Variants in EIF4EBP1 observed in about 807,000 individuals in gnomAD.
EIF4EBP1 encodes eukaryotic translation initiation factor 4E-binding protein 1.
In EIF4EBP1, 5 loss-of-function variants were observed where a neutral mutation model predicts 9.2. The ratio of observed to expected loss-of-function variants is 0.54; its 90% CI spans 0.28 to 1.14. The LOEUF is 1.14. Ranked by LOEUF, EIF4EBP1 falls within the 50% of genes most tolerant of loss-of-function variation. EIF4EBP1 has a pLI of 0.09. For missense variants in EIF4EBP1, 139 were observed against 169.6 expected (o/e 0.82, Z 1.00); for synonymous variants, 62 against 67.0 (o/e 0.93, Z 0.36).
At chr8:38,040,317 G>T (rs1246370127) in intron 1 of EIF4EBP1, among the ~76,000 whole-genome samples, 2 of 152,154 alleles carry the variant, frequency 1.3e-5, no homozygotes, top group African/African-American at 4.8e-5. Context: ...CTGACATTTG[G>T]GTATGCACAG....
At chr8:38,051,181 C>G (rs899078129) in intron 1 of EIF4EBP1, among the ~76,000 whole-genome samples, 3 of 152,156 alleles carry the variant, frequency 2.0e-5, no homozygotes, top group Non-Finnish European at 4.4e-5. Flanking sequence ...CATGCTGTGC[C>G]TAATTCCTGA....
intron 1 of EIF4EBP1, among the ~76,000 whole-genome samples, chr8:38,031,170 C>A (rs148544115): frequency 6.6e-6 from 1 of 152,266 alleles, no homozygotes; most frequent in African/African-American, 2.4e-5. Flanking sequence ...CGAAGCACGC[C>A]GAGTTTTGTG....
intron 1 of EIF4EBP1, among the ~76,000 whole-genome samples, chr8:38,052,504 G>A (rs1358455979): frequency 1.3e-5 from 2 of 151,932 alleles, no homozygotes; most frequent in Non-Finnish European, 2.9e-5. Flanking sequence ...CGAGGCAGGC[G>A]GATCACCTGA....
At chr8:38,047,168 G>C (rs1348019133) in intron 1 of EIF4EBP1, among the ~76,000 whole-genome samples, 3 of 152,202 alleles carry the variant, frequency 2.0e-5, no homozygotes, top group Non-Finnish European at 1.5e-5. Context: ...TCTTACGCCT[G>C]TCTGTGGACT....
chr8:38,050,845 A>G (rs1208929706), intron 1 of EIF4EBP1, among the ~76,000 whole-genome samples: 1 of 152,108 alleles, frequency 6.6e-6, no homozygotes, highest in Non-Finnish European at 1.5e-5. Context: ...TGTGGCCCAG[A>G]GACTGATGGG....
In EIF4EBP1 at chr8:38,030,634, G is replaced by A. The variant is rs1457903078; in HGVS notation, c.61G>A (p.Val21Met). The A allele has an allele frequency of 2.0e-5, 31 of 1,513,744 alleles. No homozygotes were observed. In the Middle Eastern group the frequency reaches 1.0e-3, roughly 50 times the overall value. 93.8% of individuals were successfully genotyped at this position (1,513,744 alleles called of 1,614,324 possible). The change falls in exon 1 of 3, where the codon GTG (valine) becomes ATG (methionine). Residue 21 changes from valine to methionine, a missense_variant. Physicochemically the swap from Val to Met is conservative, Grantham distance 21. Coordinates refer to ENST00000338825, the MANE Select transcript of EIF4EBP1 (RefSeq NM_004095.4). ...PSRAIPATRR[V>M]VLGDGVQLPP... ...CCGGGCCATCCCCGCCACTCGCCGG[G>A]TGGTGCTCGGCGACGGCGTGCAGCT...
Position 38,032,207 on chromosome 8 carries a change from G to A in EIF4EBP1, c.145+1489G>A, listed in dbSNP as rs542108941. ...GATTGTTGGGTCAAATTGGAAGCCA[G>A]GATACTGTTTATAGGCACTTCTGGC... On this transcript the variant is annotated intron_variant, in intron 1 of 2. Coordinates refer to ENST00000338825, the MANE Select transcript of EIF4EBP1 (RefSeq NM_004095.4). 9.2e-4 allele frequency among the ~76,000 whole-genome samples: 133 copies of A among 144,386 alleles called. 1 individual carries two copies. Among genetic ancestry groups the A allele is most frequent in the African/African-American group, 3.6e-3 (124 of 34,640 alleles). The allele number at this position is 144,386 out of a possible 152,430, so 94.7% of individuals were successfully genotyped here. A position where few individuals can be genotyped will look rare whatever the true frequency, so the allele number is the denominator to read the frequency against.
intron 1 of EIF4EBP1, among the ~76,000 whole-genome samples, chr8:38,035,374 C>T (rs1809285081): frequency 6.6e-6 from 1 of 151,902 alleles, no homozygotes; most frequent in Non-Finnish European, 1.5e-5. Context: ...TGTGCCACCA[C>T]ACCCGGCTAA....
intron 1 of EIF4EBP1, among the ~76,000 whole-genome samples, chr8:38,054,650 G>A (rs939691113): frequency 3.3e-5 from 5 of 152,166 alleles, no homozygotes; most frequent in Non-Finnish European, 7.3e-5. Context: ...AGGAGAGATT[G>A]TACAACCCCA....
intron 1 of EIF4EBP1, among the ~76,000 whole-genome samples, chr8:38,049,384 A>G (rs996245634): frequency 6.6e-6 from 1 of 151,684 alleles, no homozygotes; most frequent in Non-Finnish European, 1.5e-5. Context: ...TTTCACAATG[A>G]TGTTAACTGA....
chr8:38,043,311 A>C (rs1445476141), intron 1 of EIF4EBP1, among the ~76,000 whole-genome samples: 1 of 150,774 alleles, frequency 6.6e-6, no homozygotes, highest in African/African-American at 2.4e-5. Flanking sequence ...TAGCTCAGCT[A>C]TTTTGTTCTG....
At chr8:38,031,398 G>A (rs532369934) in intron 1 of EIF4EBP1, among the ~76,000 whole-genome samples, 3 of 152,314 alleles carry the variant, frequency 2.0e-5, no homozygotes, top group East Asian at 1.9e-4. Context: ...ATGAGGAAGA[G>A]GAAGCTGAGC....
intron 1 of EIF4EBP1, among the ~76,000 whole-genome samples, chr8:38,055,646 T>A (rs1203501434): frequency 6.6e-6 from 1 of 151,894 alleles, no homozygotes; most frequent in Non-Finnish European, 1.5e-5. Flanking sequence ...GGAATTGCTA[T>A]CACTACTATA....
Position 38,057,176 on chromosome 8 carries a change from G to A in EIF4EBP1, c.241G>A (p.Val81Ile). 1.2e-6 allele frequency: 2 copies of A among 1,614,240 alleles called. No homozygotes were observed. The highest frequency in any genetic ancestry group is 1.7e-6 in the Non-Finnish European group (2 of 1,180,032). Residue 81 changes from valine (V) to isoleucine (I), a missense_variant, in exon 2 of 3, where the codon GTC (valine) becomes ATC (isoleucine). Transcript: ENST00000338825. ...AAGGGATCTGCCCACCATTCCGGGG[G>A]TCACCAGCCCTTCCAGTGATGAGCC... ...PPRDLPTIPGVTSPSSDEPPM... is the reference protein window; with the variant it reads ...PPRDLPTIPGITSPSSDEPPM...
chr8:38,055,681 A>G (rs1306086490), intron 1 of EIF4EBP1, among the ~76,000 whole-genome samples: 3 of 152,120 alleles, frequency 2.0e-5, no homozygotes, highest in Non-Finnish European at 4.4e-5. Context: ...TTCACTTGCC[A>G]TAAATAGAAG....
At chr8:38,041,890 G>A (rs1271051629) in intron 1 of EIF4EBP1, among the ~76,000 whole-genome samples, 1 of 152,078 alleles carries the variant, frequency 6.6e-6, no homozygotes, top group African/African-American at 2.4e-5. Flanking sequence ...TACTTGGGAA[G>A]CTGAGGCAGG....
chr8:38,059,776 C>A lies in EIF4EBP1; in HGVS notation c.326-128C>A, dbSNP rs539515112. On this transcript the variant is annotated intron_variant, in intron 2 of 2. Transcript: ENST00000338825. The stretch of plus-strand genomic sequence containing the variant: ...ATCTCAAAAAAAAAAAACAAAAAAA[C>A]AAAAAAAAACTTATTTTCTTTATAA... The A allele has an allele frequency of 3.5e-3, 2,986 of 856,116 alleles. 72 individuals carry two copies. In the South Asian group the frequency reaches 0.046, roughly 13 times the overall value. The allele number at this position is 856,116 out of a possible 1,614,324, so 53.0% of individuals were successfully genotyped here.
chr8:38,041,042 C>T (rs969001780), intron 1 of EIF4EBP1, among the ~76,000 whole-genome samples: 3 of 152,122 alleles, frequency 2.0e-5, no homozygotes, highest in South Asian at 2.1e-4. Flanking sequence ...TCAAGTGATC[C>T]GCCCGCCTCG....
intron 1 of EIF4EBP1, among the ~76,000 whole-genome samples, chr8:38,042,745 A>G (rs1205133931): frequency 6.6e-6 from 1 of 152,178 alleles, no homozygotes; most frequent in Admixed American, 6.6e-5. Context: ...ATTCCGAGGT[A>G]CTGGGGTTGG....
Sources: allele counts gnomAD v4.1 joint callset (sites outside exome capture counted in the v4.1 genomes callset), GRCh38; gene constraint gnomAD v4.1.1; transcripts MANE v1.5; gene names NCBI Gene and HGNC (gene_info 2026-07-23, HGNC 2026-07-21).